The following METTL25 variants were observed in gnomAD, a reference collection of about 807,000 sequenced individuals.
The protein encoded by METTL25 is probable methyltransferase-like protein 25.
METTL25 carries 64 observed loss-of-function variants against 71.6 expected under a neutral mutation model. The ratio of observed to expected loss-of-function variants is 0.89; its 90% confidence interval spans 0.73 to 1.10. The LOEUF is 1.10. Among genes scored for constraint, METTL25 ranks in the 50% least tolerant of loss-of-function variants. The pLI is 0.00. For synonymous variants in METTL25, 287 were observed against 250.3 expected, an observed-to-expected ratio of 1.15 and a Z score of -1.38; for missense variants, 807 against 707.0, an observed-to-expected ratio of 1.14 and a Z score of -1.60.
chr12:82,399,244 T>C lies in METTL25; in HGVS notation c.981T>C (p.Ser327=). The C allele has an allele frequency of 6.2e-7, 1 of 1,613,722 alleles. No individual in the cohort carries two copies. ...CTATTAATGCTGTAGAGCCTACTTC[T>C]TCACAGCAAATACCCAACAGAGAAA... The part of the protein sequence containing the change: ...LLPINAVEPT[S]SQQIPNRETS... Residue 327 remains serine, a synonymous_variant, in exon 4 of 12, where the codon TCT becomes TCC. Transcript: ENST00000248306.
chr12:82,449,966 G>A (rs1414143640), intron 8 of METTL25, among the ~76,000 whole-genome samples: 1 of 152,100 alleles, frequency 6.6e-6, no homozygotes, highest in African/African-American at 2.4e-5. Context: ...TCTGGAACAT[G>A]AATGACCCTA....
chr12:82,389,786 A>T, intron 2 of METTL25, 30 bp from the exon 3 acceptor site: 1 of 1,292,948 alleles, frequency 7.7e-7, no homozygotes, highest in Non-Finnish European at 1.1e-6. Flanking sequence ...TTGATTCTTT[A>T]ATAGCAGTTT....
rs772505986 is a variant in METTL25, at chr12:82,476,717, T to C, written c.1646T>C (p.Met549Thr). 3.2e-6 allele frequency: 5 copies of C among 1,578,890 alleles called. No individual in the cohort carries two copies. In the Admixed American group the frequency reaches 5.4e-5, roughly 17 times the overall value. The change falls in exon 10 of 12, where the codon ATG (methionine) becomes ACG (threonine). Residue 549 changes from methionine (M) to threonine (T), a missense_variant and splice_region_variant. Transcript: ENST00000248306. ...ATGAATGAGCTGGAAGCTTTTAATA[T>C]GGTAAATCTCAGAGTTAAGCATATT... ...PRMNELEAFN[M>T]LKVVLAPCIE...
At chr12:82,390,572 G>C (rs560613255) in intron 3 of METTL25, among the ~76,000 whole-genome samples, 1 of 152,046 alleles carries the variant, frequency 6.6e-6, no homozygotes, top group Admixed American at 6.6e-5. Context: ...TGGTAATGGA[G>C]ATTTTCCTTC....
intron 6 of METTL25, among the ~76,000 whole-genome samples, chr12:82,434,479 G>A (rs1487929256): frequency 3.3e-5 from 5 of 151,540 alleles, no homozygotes; most frequent in East Asian, 3.9e-4. Flanking sequence ...ATGTGTTTGT[G>A]TATATGACAC....
chr12:82,475,016 C>A (rs1347654242), intron 9 of METTL25, among the ~76,000 whole-genome samples: 1 of 152,160 alleles, frequency 6.6e-6, no homozygotes, highest in African/African-American at 2.4e-5. Context: ...GGAACAAAAT[C>A]AACAGTCTCT....
chr12:82,365,810 C>T (rs1341722807), intron 1 of METTL25, among the ~76,000 whole-genome samples: 3 of 143,798 alleles, frequency 2.1e-5, no homozygotes, highest in Admixed American at 7.1e-5. Context: ...CGGCCGGGCG[C>T]GGTGGCTCAC....
intron 1 of METTL25, among the ~76,000 whole-genome samples, chr12:82,381,045 T>C (rs181548295): frequency 6.4e-4 from 97 of 152,328 alleles, no homozygotes; most frequent in Middle Eastern, 3.4e-3. Flanking sequence ...TCAATCCATA[T>C]TGAACATTTG....
At chr12:82,370,106 G>C (rs942906878) in intron 1 of METTL25, among the ~76,000 whole-genome samples, 1 of 152,180 alleles carries the variant, frequency 6.6e-6, no homozygotes, top group Non-Finnish European at 1.5e-5. Context: ...GACTGCTCTA[G>C]CTAATTCCTG....
chr12:82,390,061 A>C, intron 3 of METTL25, 139 bp downstream of exon 3: 1 of 578,360 alleles, frequency 1.7e-6, no homozygotes, highest in Non-Finnish European at 3.1e-6. Flanking sequence ...GATCCTTTAA[A>C]CATCAGATTC....
chr12:82,392,289 T>G (rs1885666766), intron 3 of METTL25, among the ~76,000 whole-genome samples: 1 of 131,242 alleles, frequency 7.6e-6, no homozygotes, highest in South Asian at 2.7e-4. Context: ...CAGAGTGTGA[T>G]GTTCCCCTTC....
At chr12:82,444,817 C>T (rs184949827) in intron 8 of METTL25, among the ~76,000 whole-genome samples, 68 of 152,128 alleles carry the variant, frequency 4.5e-4, no homozygotes, top group African/African-American at 1.6e-3. Flanking sequence ...TTACATGCTA[C>T]CTACAGGAAG....
chr12:82,454,108 T>C (rs1324394285), intron 8 of METTL25, among the ~76,000 whole-genome samples: 5 of 152,066 alleles, frequency 3.3e-5, no homozygotes, highest in African/African-American at 9.7e-5. Context: ...AAATCTAATA[T>C]TCTCTTTCCC....
At chr12:82,411,818 G>A (rs1395504627) in intron 5 of METTL25, among the ~76,000 whole-genome samples, 1 of 152,062 alleles carries the variant, frequency 6.6e-6, no homozygotes, top group Admixed American at 6.6e-5. Context: ...TCTACACAAA[G>A]TCAGATTCTT....
chr12:82,436,354 G>T (rs1889915449), intron 7 of METTL25, among the ~76,000 whole-genome samples: 1 of 151,486 alleles, frequency 6.6e-6, no homozygotes, highest in Admixed American at 6.6e-5. Flanking sequence ...TTTTAAAAAT[G>T]CATTAAAATG....
At chr12:82,411,078 A>AT (rs1215538796) in intron 5 of METTL25, among the ~76,000 whole-genome samples, 2 of 152,080 alleles carry the variant, frequency 1.3e-5, no homozygotes, top group East Asian at 3.8e-4. Context: ...AATACAATTA[A>AT]TTTTTCCTAG....
intron 9 of METTL25, among the ~76,000 whole-genome samples, chr12:82,469,899 T>C (rs911154514): frequency 2.0e-5 from 3 of 152,200 alleles, no homozygotes; most frequent in African/African-American, 7.2e-5. Context: ...GTAGAGTGAG[T>C]CTCTAGCTCA....
At chr12:82,383,267 T>C (rs4882551) in intron 1 of METTL25, among the ~76,000 whole-genome samples, 140,271 of 151,760 alleles carry the variant, frequency 0.92, 65,143 homozygotes, top group East Asian at 1. Flanking sequence ...CTCTGCCTCC[T>C]GGGTTCAAGT....
intron 4 of METTL25, among the ~76,000 whole-genome samples, chr12:82,401,126 A>G (rs1236630341): frequency 6.6e-6 from 1 of 152,128 alleles, no homozygotes; most frequent in Non-Finnish European, 1.5e-5. Flanking sequence ...TAGTGCTTGA[A>G]GCAACTGAGT....
Sources: allele counts gnomAD v4.1 joint callset (sites outside exome capture counted in the v4.1 genomes callset), GRCh38; gene constraint gnomAD v4.1.1; transcripts MANE v1.5; gene names NCBI Gene and HGNC (gene_info 2026-07-23, HGNC 2026-07-21).